ARHGEF18: variants seen among roughly 807,000 people sequenced by gnomAD.
ARHGEF18 encodes rho guanine nucleotide exchange factor 18.
ARHGEF18 carries 93 observed loss-of-function variants against 155.7 expected under a neutral mutation model. The ratio of observed to expected loss-of-function variants is 0.60; its 90% CI spans 0.50 to 0.71. ARHGEF18 has a LOEUF of 0.71. Among genes scored for constraint, ARHGEF18 ranks in the 30% least tolerant of loss-of-function variants. The pLI is 0.00. For synonymous variants in ARHGEF18, 742 were observed against 753.1 expected (o/e 0.99, Z 0.24); for missense variants, 1,593 against 1,816.1 (o/e 0.88, Z 2.23).
chr19:7,397,751 T>C (rs1461847305), intron 10 of ARHGEF18, among the ~76,000 whole-genome samples: 1 of 151,910 alleles, frequency 6.6e-6, no homozygotes, highest in Non-Finnish European at 1.5e-5. Flanking sequence ...AAAAAAATTT[T>C]TTTTGTGGGG....
chr19:7,465,694 C>T (rs11672301), intron 23 of ARHGEF18, among the ~76,000 whole-genome samples: 1,865 of 152,234 alleles, frequency 0.012, 37 homozygotes, highest in African/African-American at 0.043. Context: ...TAGGCAAGGC[C>T]GCCATACCTG....
At chr19:7,473,060 C>G, downstream of ARHGEF18, 1 of 456,292 alleles carries the variant, frequency 2.2e-6, no homozygotes, top group Non-Finnish European at 4.4e-6. Flanking sequence ...GTGGCGCCTC[C>G]ACGAAAATCT....
chr19:7,379,274 G>T (rs774657817), intron 7 of ARHGEF18, 108 bp downstream of exon 7: 36 of 1,045,790 alleles, frequency 3.4e-5, no homozygotes, highest in Non-Finnish European at 4.2e-5. Context: ...AAGACTGGGT[G>T]AGGGCTGGGT....
intron 10 of ARHGEF18, among the ~76,000 whole-genome samples, chr19:7,435,733 G>A (rs886827536): frequency 3.9e-5 from 6 of 152,144 alleles, no homozygotes; most frequent in African/African-American, 9.7e-5. Context: ...TCAATACAGC[G>A]GGTCTGTGGC....
At chr19:7,361,453 T>C (rs1404380849) in intron 1 of ARHGEF18, among the ~76,000 whole-genome samples, 1 of 151,956 alleles carries the variant, frequency 6.6e-6, no homozygotes, top group Non-Finnish European at 1.5e-5. Context: ...AGAGACTGCA[T>C]AACAGCGGTT....
intron 10 of ARHGEF18, among the ~76,000 whole-genome samples, chr19:7,390,330 G>A (rs1244184444): frequency 6.6e-6 from 1 of 151,696 alleles, no homozygotes; most frequent in East Asian, 1.9e-4. Context: ...AACATGGTAA[G>A]ACCCCATCTC....
At chr19:7,437,790 C>A (rs1365255227) in intron 10 of ARHGEF18, among the ~76,000 whole-genome samples, 1 of 147,274 alleles carries the variant, frequency 6.8e-6, no homozygotes, top group Non-Finnish European at 1.5e-5. Context: ...ATTACAGGTG[C>A]CCGCCACCAT....
At chr19:7,349,408 G>A (rs772111907) in intron 1 of ARHGEF18, among the ~76,000 whole-genome samples, 167 bp downstream of exon 1, 12 of 152,076 alleles carry the variant, frequency 7.9e-5, no homozygotes, top group Non-Finnish European at 1.6e-4. Context: ...TGACCCTTGC[G>A]TTCATTGTGC....
intron 10 of ARHGEF18, among the ~76,000 whole-genome samples, chr19:7,415,238 C>T (rs1339728678): frequency 3.3e-5 from 5 of 152,070 alleles, no homozygotes; most frequent in African/African-American, 1.2e-4. Context: ...TGGGTTCTCC[C>T]GGGCTTCAGG....
chr19:7,477,789 C>A, the ARHGEF18 span, among the ~76,000 whole-genome samples: 1 of 152,360 alleles, frequency 6.6e-6, no homozygotes, highest in Non-Finnish European at 1.5e-5. Flanking sequence ...GCCTGCCCGG[C>A]CTTTCTTTAT....
At chr19:7,403,529 T>TTTTC (rs374336604) in intron 10 of ARHGEF18, among the ~76,000 whole-genome samples, 11,351 of 148,094 alleles carry the variant, frequency 0.077, 605 homozygotes, top group East Asian at 0.13. Flanking sequence ...AAACTTAGCT[T>TTTTC]TTTCTTTCTT....
Position 7,462,397 on chromosome 19 carries a change from C to T in ARHGEF18, c.2635+63C>T. The T allele has an allele frequency of 2.0e-6, 3 of 1,482,516 alleles. No homozygotes were observed. In the Admixed American group the frequency reaches 7.2e-5, roughly 35 times the overall value. The allele number at this position is 1,482,516 out of a possible 1,614,324, so 91.8% of individuals were successfully genotyped here. On this transcript the variant is annotated intron_variant, in intron 21 of 28. Coordinates refer to ENST00000668164, the MANE Select transcript of ARHGEF18 (RefSeq NM_001367823.1). The surrounding 1 kb of genome is among the most constrained non-coding windows in gnomAD (Gnocchi z 4.4). ...CCGGGGTGGGCTCCTCAGGGAACCC[C>T]AGGCCAGGCTCACGGCTCATTGTGG...
Position 7,430,383 on chromosome 19 carries a change from T to A in ARHGEF18, c.968-9961T>A, listed in dbSNP as rs571958621. On this transcript the variant is annotated intron_variant, in intron 10 of 28. Coordinates refer to ENST00000668164, the MANE Select transcript of ARHGEF18 (RefSeq NM_001367823.1). ...TGCCTGGCTAATTTTTTTTTTTTTTTTGACAGATGAAGTCTCACCATGTTG... is the reference window on the plus strand; with the variant it reads ...TGCCTGGCTAATTTTTTTTTTTTTTATGACAGATGAAGTCTCACCATGTTG... 1.7e-3 allele frequency among the ~76,000 whole-genome samples: 259 copies of A among 151,744 alleles called. 2 individuals carry two copies. The highest frequency in any genetic ancestry group is 5.7e-3 in the African/African-American group (237 of 41,376).
At chr19:7,423,691 C>T (rs1394517132) in intron 10 of ARHGEF18, among the ~76,000 whole-genome samples, 4 of 144,618 alleles carry the variant, frequency 2.8e-5, no homozygotes, top group East Asian at 2.0e-4. Flanking sequence ...GGTGACAGGG[C>T]GAGAGACTCT....
intron 10 of ARHGEF18, among the ~76,000 whole-genome samples, chr19:7,427,301 G>A (rs940472087): frequency 6.6e-6 from 1 of 152,176 alleles, no homozygotes; most frequent in Non-Finnish European, 1.5e-5. Flanking sequence ...TACCCTGGAG[G>A]GGGGATGTCT....
At position 7,361,991 on chromosome 19, in the gene ARHGEF18, GGAAGAAGAAGAA is replaced by G. The variant is rs1185709548; in HGVS notation, c.-110-776_-110-765del. Reference sequence around the variant, plus strand: ...TGGGGGCAACAGAGCAAGACTCTGTGGAAGAAGAAGAAGAAGAAGAAGAAGGAGAAGGAGAAG... The same window carrying G: ...TGGGGGCAACAGAGCAAGACTCTGTGGAAGAAGAAGAAGGAGAAGGAGAAG... On this transcript the variant is annotated intron_variant, in intron 1 of 28. Coordinates refer to ENST00000668164, the MANE Select transcript of ARHGEF18 (RefSeq NM_001367823.1). Among the ~76,000 whole-genome samples, 8 of 79,218 alleles carry G rather than the reference GGAAGAAGAAGAA, an allele frequency of 1.0e-4. No individual in the cohort carries two copies. The South Asian group carries it at 1.4e-3, about 14-fold the overall frequency. The allele number at this position is 79,218 out of a possible 152,430, so 52.0% of individuals were successfully genotyped here.
At chr19:7,435,030 C>A (rs6603061) in intron 10 of ARHGEF18, among the ~76,000 whole-genome samples, 61,277 of 151,862 alleles carry the variant, frequency 0.4, 12,989 homozygotes, top group East Asian at 0.6. Flanking sequence ...GGCAAAACCC[C>A]ATCTCTACTA....
At chr19:7,389,934 G>A (rs1971303586) in intron 10 of ARHGEF18, among the ~76,000 whole-genome samples, 1 of 152,162 alleles carries the variant, frequency 6.6e-6, no homozygotes, top group South Asian at 2.1e-4. Flanking sequence ...GGGCGCGGAA[G>A]CTCACTCCTG....
intron 1 of ARHGEF18, among the ~76,000 whole-genome samples, chr19:7,349,475 T>C (rs1258871771): frequency 1.3e-5 from 2 of 151,892 alleles, no homozygotes; most frequent in South Asian, 2.1e-4. Flanking sequence ...GAGGGGCTGC[T>C]AGGTAAGAAA....
Sources: gnomAD v4.1 joint callset for allele counts (sites outside exome capture counted in the v4.1 genomes callset) on GRCh38, gnomAD v4.1.1 for gene constraint, Gnocchi (gnomAD v3.1) non-coding constraint, MANE v1.5 for transcripts, NCBI Gene and HGNC (gene_info 2026-07-23, HGNC 2026-07-21) for gene names.